The following FMN1 variants were observed in gnomAD, a reference collection of about 807,000 sequenced individuals.
FMN1 encodes the protein formin-1.
A neutral mutation model predicts 132.4 loss-of-function variants in FMN1; 110 were observed. The ratio of observed to expected loss-of-function variants is 0.83; its 90% confidence interval spans 0.71 to 0.97. FMN1 has a LOEUF of 0.97. Ranked by LOEUF, FMN1 falls within the 50% of genes least tolerant of loss-of-function variation. FMN1 has a pLI of 0.00. For synonymous variants in FMN1, 722 were observed against 651.7 expected, an observed-to-expected ratio of 1.11 and a Z score of -1.64; for missense variants, 1,792 against 1,705.3, an observed-to-expected ratio of 1.05 and a Z score of -0.90.
chr15:33,051,977 T>C (rs1233154974), intron 6 of FMN1, among the ~76,000 whole-genome samples: 2 of 152,354 alleles, frequency 1.3e-5, no homozygotes, highest in Admixed American at 1.3e-4. Context: ...CTTTCACTCC[T>C]GCTCTAAAAC....
At chr15:32,957,305 T>TG (rs1567461234) in intron 9 of FMN1, among the ~76,000 whole-genome samples, 2 of 143,464 alleles carry the variant, frequency 1.4e-5, no homozygotes, top group African/African-American at 5.1e-5. Flanking sequence ...GTTCTTTTTT[T>TG]TTTTTTTTTT....
chr15:32,824,988 C>T (rs572327015), intron 17 of FMN1, among the ~76,000 whole-genome samples: 2 of 152,176 alleles, frequency 1.3e-5, no homozygotes, highest in African/African-American at 2.4e-5. Flanking sequence ...TAAATAGCAT[C>T]GACATTCACT....
intron 4 of FMN1, chr15:33,105,795 G>A (rs181712482): frequency 1.4e-5 from 2 of 145,844 alleles, no homozygotes; most frequent in East Asian, 2.4e-4. Context: ...GTTATAAAAT[G>A]TTGTAATAGG....
chr15:32,924,139 A>G (rs551577533), intron 10 of FMN1, among the ~76,000 whole-genome samples: 1 of 152,274 alleles, frequency 6.6e-6, no homozygotes, highest in South Asian at 2.1e-4. Context: ...TTCTTCTGGA[A>G]GATCTAACTT....
chr15:32,900,133 G>A lies in FMN1; in HGVS notation c.3508-8C>T. On this transcript the variant is annotated splice_polypyrimidine_tract_variant and splice_region_variant and intron_variant, in intron 13 of 20. Transcript: ENST00000616417. ...CTTCACGTGCAGCAAGTCCTGTGAT[G>A]GCAAACACCAGTTATTACGGAGCTG... The A allele has an allele frequency of 6.2e-7, 1 of 1,613,486 alleles. No individual in the cohort carries two copies. Among genetic ancestry groups the A allele is most frequent in the Non-Finnish European group, 8.5e-7 (1 of 1,179,828 alleles).
intron 6 of FMN1, among the ~76,000 whole-genome samples, chr15:33,042,735 G>A (rs2036497871): frequency 6.6e-6 from 1 of 151,670 alleles, no homozygotes; most frequent in East Asian, 1.9e-4. Context: ...GGTTTCACAA[G>A]GAGCCAGAAC....
chr15:32,983,475 T>C (rs534520062), intron 7 of FMN1, among the ~76,000 whole-genome samples: 1 of 152,310 alleles, frequency 6.6e-6, no homozygotes, highest in East Asian at 1.9e-4. Context: ...CCTCAGATGG[T>C]ACACTTAGAA....
At chr15:32,845,031 CTATG>C (rs1224504878) in intron 17 of FMN1, among the ~76,000 whole-genome samples, 5 of 152,226 alleles carry the variant, frequency 3.3e-5, no homozygotes, top group African/African-American at 1.2e-4. Flanking sequence ...GTCTGCGAAA[CTATG>C]TATTATATAA....
At chr15:33,173,215 C>T (rs1965392989) in intron 3 of FMN1, among the ~76,000 whole-genome samples, 1 of 151,452 alleles carries the variant, frequency 6.6e-6, no homozygotes, top group Non-Finnish European at 1.5e-5. Context: ...ATTGGAAGTA[C>T]AAGGAGGAGG....
At chr15:32,885,639 G>A (rs1009437818) in intron 16 of FMN1, among the ~76,000 whole-genome samples, 22 of 152,176 alleles carry the variant, frequency 1.4e-4, no homozygotes, top group African/African-American at 5.3e-4. Context: ...ATAAGTTGCA[G>A]TTGATACTAT....
intron 4 of FMN1, among the ~76,000 whole-genome samples, chr15:33,098,242 T>C (rs1295604895): frequency 6.6e-6 from 1 of 152,222 alleles, no homozygotes; most frequent in Non-Finnish European, 1.5e-5. Context: ...CCTTACTTCA[T>C]GCTGAGTGAC....
chr15:33,012,813 T>C (rs1159582814), intron 6 of FMN1: 2 of 658,376 alleles, frequency 3.0e-6, no homozygotes, highest in South Asian at 1.4e-5. Flanking sequence ...GCAGCTGTGG[T>C]GGTGGAGGAT....
intron 6 of FMN1, among the ~76,000 whole-genome samples, chr15:33,033,238 G>A (rs918190151): frequency 6.6e-6 from 1 of 152,094 alleles, no homozygotes; most frequent in East Asian, 1.9e-4. Context: ...CACCGTGTTA[G>A]CCAGGATAGT....
At chr15:33,088,267 C>CTTTT (rs926447224) in intron 5 of FMN1, among the ~76,000 whole-genome samples, 5 of 151,998 alleles carry the variant, frequency 3.3e-5, no homozygotes, top group African/African-American at 9.7e-5. Flanking sequence ...TGAACAAAAA[C>CTTTT]TTTAAAAAAG....
At chr15:32,803,892 G>C (rs1313556587) in intron 18 of FMN1, among the ~76,000 whole-genome samples, 3 of 152,188 alleles carry the variant, frequency 2.0e-5, no homozygotes, top group South Asian at 2.1e-4. Flanking sequence ...ATATTCCTAA[G>C]TCCTGCTACA....
chr15:33,010,654 C>A (rs1444699711), intron 6 of FMN1, among the ~76,000 whole-genome samples: 1 of 152,020 alleles, frequency 6.6e-6, no homozygotes, highest in Non-Finnish European at 1.5e-5. Context: ...AGGTATTATT[C>A]TCTATGTTCA....
intron 5 of FMN1, among the ~76,000 whole-genome samples, chr15:33,074,149 C>T (rs2038107186): frequency 6.6e-6 from 1 of 152,236 alleles, no homozygotes; most frequent in South Asian, 2.1e-4. Context: ...ATCCCATCTC[C>T]TGTTCACCCA....
intron 13 of FMN1, among the ~76,000 whole-genome samples, chr15:32,901,435 G>T (rs2060293878): frequency 6.6e-6 from 1 of 152,220 alleles, no homozygotes; most frequent in African/African-American, 2.4e-5. Context: ...ATGAACACCA[G>T]TGTAGTAAAG....
At chr15:33,128,730 T>C (rs1002095234) in intron 4 of FMN1, among the ~76,000 whole-genome samples, 2 of 152,178 alleles carry the variant, frequency 1.3e-5, no homozygotes, top group African/African-American at 4.8e-5. Flanking sequence ...TGACAGCTCT[T>C]AAAGGTGATG....
Sources: gnomAD v4.1 joint callset for allele counts (sites outside exome capture counted in the v4.1 genomes callset) on GRCh38, gnomAD v4.1.1 for gene constraint, MANE v1.5 for transcripts, NCBI Gene and HGNC (gene_info 2026-07-23, HGNC 2026-07-21) for gene names.